PCDHA6: variants seen among roughly 807,000 people sequenced by gnomAD.
PCDHA6 encodes the protein protocadherin alpha-6.
Under a neutral mutation model 60.3 loss-of-function variants are expected in PCDHA6, and 55 were observed. That is an observed-to-expected ratio of 0.91 (90% confidence interval 0.73 to 1.14). The LOEUF (loss-of-function observed/expected upper bound fraction) is 1.14, where lower values mean the gene tolerates loss of function less well. PCDHA6 is among the 50% of genes most tolerant of loss of function. The pLI, the probability that PCDHA6 is intolerant of heterozygous loss-of-function variation, is 0.00. For missense variants in PCDHA6, 1,327 were observed against 1,256.5 expected (o/e 1.06, Z -0.85); for synonymous variants, 652 against 557.9 (o/e 1.17, Z -2.38).
At chr5:140,958,145 A>G (rs1044763099) in intron 1 of PCDHA6, among the ~76,000 whole-genome samples, 4 of 152,156 alleles carry the variant, frequency 2.6e-5, no homozygotes, top group African/African-American at 4.8e-5. Context: ...GTATATTTAT[A>G]TAGCATAGTC....
At chr5:140,887,461 T>C (rs2061460929) in intron 1 of PCDHA6, among the ~76,000 whole-genome samples, 1 of 152,226 alleles carries the variant, frequency 6.6e-6, no homozygotes, top group African/African-American at 2.4e-5. Flanking sequence ...TTTTAAAAGA[T>C]ATAATTCAGT....
rs2150353196 is a variant in PCDHA6 at position 140,843,120 on chromosome 5, A to G, written c.2394+12635A>G. The G allele has an allele frequency of 2.5e-6, 4 of 1,595,472 alleles. 1 individual carries two copies. Among genetic ancestry groups the G allele is most frequent in the Non-Finnish European group, 3.4e-6 (4 of 1,165,480 alleles). Reference sequence around the variant, plus strand: ...GCGAAGGTGCGCGCAGTGGACGCCGACTCGGGCTACAACGCGTGGCTTTCG... The same window carrying G: ...GCGAAGGTGCGCGCAGTGGACGCCGGCTCGGGCTACAACGCGTGGCTTTCG... On this transcript the variant is annotated intron_variant, in intron 1 of 3. Coordinates refer to ENST00000529310, the MANE Select transcript of PCDHA6 (RefSeq NM_018909.4).
Position 140,908,881 on chromosome 5 carries a change from A to G in PCDHA6, c.2395-70068A>G, listed in dbSNP as rs77004912. Among the ~76,000 whole-genome samples, 1,225 of 152,366 alleles carry G rather than the reference A, an allele frequency of 8.0e-3. 6 individuals carry two copies. The highest frequency in any genetic ancestry group is 0.019 in the African/African-American group (790 of 41,588). Reference sequence around the variant, plus strand: ...AGGAATGTGTTGCCTCCAAAATCCAATAGTCCCAAATAAGCCTCTTTCGTG... The same window carrying G: ...AGGAATGTGTTGCCTCCAAAATCCAGTAGTCCCAAATAAGCCTCTTTCGTG... On this transcript the variant is annotated intron_variant, in intron 1 of 3. Transcript: ENST00000529310.
chr5:140,985,643 A>C (rs564908892), intron 3 of PCDHA6, among the ~76,000 whole-genome samples: 10 of 151,298 alleles, frequency 6.6e-5, no homozygotes, highest in African/African-American at 1.9e-4. Context: ...TCATCCCAAC[A>C]CTTGCAATGG....
chr5:140,966,691 G>A, intron 1 of PCDHA6: 3 of 1,349,440 alleles, frequency 2.2e-6, no homozygotes, highest in Non-Finnish European at 1.9e-6. Context: ...GCGGAGGCGG[G>A]GCCCGGGCGT....
chr5:140,972,766 T>G (rs2096555102), intron 1 of PCDHA6, among the ~76,000 whole-genome samples: 1 of 149,250 alleles, frequency 6.7e-6, no homozygotes, highest in African/African-American at 2.5e-5. Flanking sequence ...CAAGTTAAAG[T>G]GATTCTTCTG....
At chr5:140,969,529 T>G in intron 1 of PCDHA6, 7 of 1,377,800 alleles carry the variant, frequency 5.1e-6, no homozygotes, top group Non-Finnish European at 6.8e-6. Flanking sequence ...GTTTTATTTT[T>G]CATTTTCAGA....
Position 140,850,613 on chromosome 5 carries a change from G to A in PCDHA6, c.2394+20128G>A. 4.4e-6 allele frequency: 7 copies of A among 1,598,580 alleles called. 1 individual carries two copies. The highest frequency in any genetic ancestry group is 6.0e-6 in the Non-Finnish European group (7 of 1,167,886). ...TGTACCTGATCATCGCCATCTGCGC[G>A]GTGTCTAGCCTGTTGGTTCTCACGC... On this transcript the variant is annotated intron_variant, in intron 1 of 3. Coordinates refer to ENST00000529310, the MANE Select transcript of PCDHA6 (RefSeq NM_018909.4).
chr5:140,967,020 C>G (rs782147091), intron 1 of PCDHA6: 4 of 1,607,570 alleles, frequency 2.5e-6, no homozygotes, highest in African/African-American at 1.3e-5. Flanking sequence ...CTGGGTGCGC[C>G]CAGTCCGCGC....
chr5:140,951,841 AAAAGTCC>A (rs1266500275), intron 1 of PCDHA6, among the ~76,000 whole-genome samples: 1 of 152,182 alleles, frequency 6.6e-6, no homozygotes, highest in African/African-American at 2.4e-5. Context: ...GCATTAAGCC[AAAAGTCC>A]AAAGTCCAAA....
In PCDHA6 at chr5:140,837,615, CCCTT is replaced by C. The variant is rs2150277487; in HGVS notation, c.2394+7147_2394+7150del. Among the ~76,000 whole-genome samples, 57 of 145,918 alleles carry C rather than the reference CCCTT, an allele frequency of 3.9e-4. 2 individuals carry two copies. Among genetic ancestry groups the C allele is most frequent in the South Asian group, 6.5e-4 (3 of 4,612 alleles). On this transcript the variant is annotated intron_variant, in intron 1 of 3. Coordinates refer to ENST00000529310, the MANE Select transcript of PCDHA6 (RefSeq NM_018909.4). ...CCAATATATATATTTTATAATTTGC[CCCTT>C]CCTTCCTTCCTTCCTTTCTTTCTTT...
At chr5:140,882,424 G>A in intron 1 of PCDHA6, 1 of 1,614,114 alleles carries the variant, frequency 6.2e-7, no homozygotes, top group Non-Finnish European at 8.5e-7. Context: ...CTCAGGACCT[G>A]GGGCTGGAGC....
intron 1 of PCDHA6, chr5:140,863,088 C>T: frequency 1.7e-6 from 1 of 574,660 alleles, no homozygotes; most frequent in Non-Finnish European, 3.4e-6. Flanking sequence ...GCGAGATCAG[C>T]ACGACGAGTA....
chr5:140,879,675 G>A (rs141369145), intron 1 of PCDHA6, among the ~76,000 whole-genome samples: 1 of 152,360 alleles, frequency 6.6e-6, no homozygotes, highest in South Asian at 2.1e-4. Context: ...CAAACTGGGT[G>A]CTGTAAAACA....
chr5:140,914,944 CTTTTT>C (rs35695909), intron 1 of PCDHA6, among the ~76,000 whole-genome samples: 1 of 128,266 alleles, frequency 7.8e-6, no homozygotes, highest in Non-Finnish European at 1.7e-5. Context: ...GAAAAGTTGT[CTTTTT>C]TTTTTTTTTT....
At chr5:140,966,528 G>T (rs567098369) in intron 1 of PCDHA6, 235 of 446,634 alleles carry the variant, frequency 5.3e-4, no homozygotes, top group Non-Finnish European at 7.8e-4. Context: ...AGCCGAGCCG[G>T]GTTGAGCGAC....
chr5:140,877,982 T>A, intron 1 of PCDHA6: 1 of 1,221,278 alleles, frequency 8.2e-7, no homozygotes, highest in Non-Finnish European at 1.1e-6. Flanking sequence ...CTTACTCATT[T>A]TGAACTTTTA....
chr5:140,867,871 A>G (rs1450375674), intron 1 of PCDHA6: 1 of 152,152 alleles, frequency 6.6e-6, no homozygotes, highest in Non-Finnish European at 1.5e-5. Flanking sequence ...TTAATTTTCT[A>G]TGTTTTAAGC....
At chr5:140,990,129 A>G (rs868941506) in intron 3 of PCDHA6, among the ~76,000 whole-genome samples, 6 of 152,296 alleles carry the variant, frequency 3.9e-5, no homozygotes, top group Middle Eastern at 3.4e-3. Flanking sequence ...TGTAGAAGTC[A>G]GACTCAAGAG....
Sources: allele counts gnomAD v4.1 joint callset (sites outside exome capture counted in the v4.1 genomes callset), GRCh38; gene constraint gnomAD v4.1.1; transcripts MANE v1.5; gene names NCBI Gene and HGNC (gene_info 2026-07-23, HGNC 2026-07-21).